The following DPP10 variants were observed in gnomAD, a reference collection of about 807,000 sequenced individuals.
DPP10 encodes the protein dipeptidyl peptidase like 10.
Under a neutral mutation model 120.9 loss-of-function variants are expected in DPP10, and 33 were observed. That is an observed-to-expected ratio of 0.27 (90% CI 0.21 to 0.37). DPP10 has a LOEUF of 0.37. Among genes scored for constraint, DPP10 ranks in the 10% least tolerant of loss-of-function variants. The pLI, the probability that DPP10 is intolerant of heterozygous loss-of-function variation, is 1.00. For synonymous variants in DPP10, 337 were observed against 326.1 expected, an observed-to-expected ratio of 1.03 and a Z score of -0.36; for missense variants, 816 against 942.8, an observed-to-expected ratio of 0.87 and a Z score of 1.76.
chr2:115,085,993 T>C (rs1398422999), intron 1 of DPP10, among the ~76,000 whole-genome samples: 1 of 152,172 alleles, frequency 6.6e-6, no homozygotes, highest in African/African-American at 2.4e-5. Context: ...AATCTGACTC[T>C]GGCATAACAT....
intron 1 of DPP10, among the ~76,000 whole-genome samples, chr2:114,965,150 T>TC (rs879636287): frequency 2.8e-4 from 42 of 152,162 alleles, no homozygotes; most frequent in Admixed American, 5.9e-4. Context: ...TTTCTTTCTT[T>TC]TTTTTGGACG....
intron 1 of DPP10, among the ~76,000 whole-genome samples, chr2:114,494,121 A>AAAAAAAAAAAAC (rs1553450295): frequency 1.4e-5 from 2 of 147,476 alleles, no homozygotes; most frequent in African/African-American, 5.2e-5. Flanking sequence ...AAAAAAAAAA[A>AAAAAAAAAAAAC]CCCAGCAAAT....
chr2:115,553,502 T>C (rs1008309587), intron 5 of DPP10, among the ~76,000 whole-genome samples: 1 of 152,074 alleles, frequency 6.6e-6, no homozygotes, highest in African/African-American at 2.4e-5. Flanking sequence ...GAACCTTGAA[T>C]GAATAAATAT....
intron 1 of DPP10, among the ~76,000 whole-genome samples, chr2:114,947,092 C>A (rs2104613441): frequency 6.6e-6 from 1 of 151,866 alleles, no homozygotes; most frequent in Non-Finnish European, 1.5e-5. Flanking sequence ...GTTTGTTTAA[C>A]CACTTAAACC....
At chr2:114,807,733 C>T (rs936680604) in intron 1 of DPP10, among the ~76,000 whole-genome samples, 21 of 152,132 alleles carry the variant, frequency 1.4e-4, no homozygotes, top group African/African-American at 4.8e-4. Context: ...ATGTAACAAA[C>T]CACTCCTAAC....
At chr2:114,761,430 T>C (rs911617856) in intron 1 of DPP10, among the ~76,000 whole-genome samples, 2 of 152,174 alleles carry the variant, frequency 1.3e-5, no homozygotes, top group Non-Finnish European at 2.9e-5. Context: ...TTTTCTCCCC[T>C]CTTAAAGAGA....
intron 1 of DPP10, among the ~76,000 whole-genome samples, chr2:114,735,459 T>C (rs1156407364): frequency 2.6e-5 from 4 of 152,178 alleles, no homozygotes; most frequent in Non-Finnish European, 4.4e-5. Flanking sequence ...ATCTTTCAGA[T>C]GGTTTTTACT....
intron 1 of DPP10, among the ~76,000 whole-genome samples, chr2:114,789,344 G>A (rs143612253): frequency 2.1e-4 from 32 of 152,238 alleles, no homozygotes; most frequent in African/African-American, 7.0e-4. Flanking sequence ...ACTATTTCCC[G>A]AGCAATATGA....
chr2:115,207,545 A>G (rs1443743505), intron 1 of DPP10, among the ~76,000 whole-genome samples: 4 of 152,010 alleles, frequency 2.6e-5, no homozygotes, highest in Non-Finnish European at 5.9e-5. Context: ...TCCACTGAGC[A>G]ATACATAGTA....
chr2:115,841,057 T>C (rs557287482), intron 25 of DPP10, among the ~76,000 whole-genome samples: 25 of 152,244 alleles, frequency 1.6e-4, no homozygotes, highest in Non-Finnish European at 3.7e-4. Context: ...TCAGACTTAT[T>C]CATATCCCAA....
At chr2:115,105,404 A>G (rs1326397927) in intron 1 of DPP10, among the ~76,000 whole-genome samples, 1 of 148,670 alleles carries the variant, frequency 6.7e-6, no homozygotes, top group Non-Finnish European at 1.5e-5. Context: ...GAAAAAGGGG[A>G]GCAGATGTGT....
At chr2:115,838,315 C>T (rs975012304) in intron 24 of DPP10, among the ~76,000 whole-genome samples, 2 of 152,054 alleles carry the variant, frequency 1.3e-5, no homozygotes, top group African/African-American at 2.4e-5. Context: ...AAATAAATAG[C>T]AATTATGTAC....
chr2:114,445,542 G>C (rs920083212), intron 1 of DPP10, among the ~76,000 whole-genome samples: 10 of 68,342 alleles, frequency 1.5e-4, no homozygotes, highest in Admixed American at 1.2e-3. Context: ...CTCTGTGTGT[G>C]TGTGTGTGTG....
chr2:114,896,459 T>G (rs56365426), intron 1 of DPP10, among the ~76,000 whole-genome samples: 31 of 152,304 alleles, frequency 2.0e-4, no homozygotes, highest in Admixed American at 6.5e-4. Context: ...ACGTCCCTTG[T>G]AAGTTGGATT....
chr2:115,685,177 A>T (rs910427654), intron 5 of DPP10, among the ~76,000 whole-genome samples: 3 of 151,870 alleles, frequency 2.0e-5, no homozygotes, highest in Non-Finnish European at 2.9e-5. Context: ...ATGTTAAGTA[A>T]TATAATATAT....
rs566337391 is a variant in DPP10 at position 114,790,676 on chromosome 2, C to T, written c.60+347838C>T. Among the ~76,000 whole-genome samples, 14 of 151,448 alleles carry T rather than the reference C, an allele frequency of 9.2e-5. No homozygotes were observed. The South Asian group carries it at 2.1e-3, about 23-fold the overall frequency. On this transcript the variant is annotated intron_variant, in intron 1 of 25. Coordinates refer to ENST00000410059, the MANE Select transcript of DPP10 (RefSeq NM_020868.6). ...TCTCTGGCGGGCAGGAGTGGGGGTTCGCAAGGTGCTCAGTGGGGGTGCTTT... is the reference window on the plus strand; with the variant it reads ...TCTCTGGCGGGCAGGAGTGGGGGTTTGCAAGGTGCTCAGTGGGGGTGCTTT...
chr2:114,987,816 T>TTTTTTTTTTTTTTA (rs1553466108), intron 1 of DPP10, among the ~76,000 whole-genome samples: 2 of 143,716 alleles, frequency 1.4e-5, no homozygotes, highest in South Asian at 2.3e-4. Flanking sequence ...TTTTTTTTTT[T>TTTTTTTTTTTTTTA]ATTTTGAGAT....
At chr2:114,880,027 A>G (rs1430594886) in intron 1 of DPP10, among the ~76,000 whole-genome samples, 2 of 152,184 alleles carry the variant, frequency 1.3e-5, no homozygotes, top group Non-Finnish European at 2.9e-5. Flanking sequence ...TTATGACAAC[A>G]TATGTTATAA....
At chr2:115,028,370 G>A (rs543234232) in intron 1 of DPP10, among the ~76,000 whole-genome samples, 1 of 152,102 alleles carries the variant, frequency 6.6e-6, no homozygotes, top group Non-Finnish European at 1.5e-5. Context: ...GGAACATACT[G>A]TTGACTTTTT....
Sources: gnomAD v4.1 joint callset for allele counts (sites outside exome capture counted in the v4.1 genomes callset) on GRCh38, gnomAD v4.1.1 for gene constraint, MANE v1.5 for transcripts, NCBI Gene and HGNC (gene_info 2026-07-23, HGNC 2026-07-21) for gene names.